The following PCDHGA2 variants were observed in gnomAD, a reference collection of about 807,000 sequenced individuals.
The protein encoded by PCDHGA2 is protocadherin gamma-A2.
Under a neutral mutation model 59.2 loss-of-function variants are expected in PCDHGA2, and 40 were observed. The ratio of observed to expected loss-of-function variants is 0.68; its 90% CI spans 0.52 to 0.88. The LOEUF (loss-of-function observed/expected upper bound fraction) is 0.88. Ranked by LOEUF, PCDHGA2 falls within the 40% of genes least tolerant of loss-of-function variation. PCDHGA2 has a pLI of 0.00. For missense variants in PCDHGA2, 1,226 were observed against 1,204.0 expected (o/e 1.02, Z -0.27); for synonymous variants, 560 against 526.0 (o/e 1.06, Z -0.89).
intron 1 of PCDHGA2, among the ~76,000 whole-genome samples, chr5:141,472,113 A>G (rs1296591849): frequency 1.3e-5 from 2 of 152,260 alleles, no homozygotes; most frequent in East Asian, 3.8e-4. Flanking sequence ...ATACATAAAG[A>G]AAATAAAAGA....
intron 1 of PCDHGA2, chr5:141,423,320 T>C: frequency 6.2e-7 from 1 of 1,614,148 alleles, no homozygotes; most frequent in Non-Finnish European, 8.5e-7. Flanking sequence ...GTGGTGGCGG[T>C]GGCCGCAGTC....
At chr5:141,372,282 C>G (rs1163647309) in intron 1 of PCDHGA2, 3 of 1,613,202 alleles carry the variant, frequency 1.9e-6, no homozygotes, top group East Asian at 2.2e-5. Flanking sequence ...GCGCACGGCG[C>G]GTACCTTGGG....
At chr5:141,373,335 A>G (rs1769489383) in intron 1 of PCDHGA2, among the ~76,000 whole-genome samples, 1 of 152,236 alleles carries the variant, frequency 6.6e-6, no homozygotes, top group Admixed American at 6.5e-5. Flanking sequence ...GGCATCTAAA[A>G]TGGCAACTCT....
At chr5:141,365,431 G>T (rs1297210412) in intron 1 of PCDHGA2, 7 of 1,613,892 alleles carry the variant, frequency 4.3e-6, no homozygotes, top group African/African-American at 1.3e-5. Flanking sequence ...CTGTAATCGC[G>T]CTGTTTAGCG....
intron 1 of PCDHGA2, chr5:141,366,287 C>T (rs746594585): frequency 5.0e-6 from 8 of 1,613,620 alleles, no homozygotes; most frequent in Admixed American, 1.7e-5. Context: ...TGGCCAGCCC[C>T]CTCTGTCAGC....
At chr5:141,400,087 G>A (rs751908680) in intron 1 of PCDHGA2, 3 of 1,614,042 alleles carry the variant, frequency 1.9e-6, no homozygotes, top group Non-Finnish European at 2.5e-6. Flanking sequence ...CTCCGCCACC[G>A]CCACGCTGCA....
rs1267965791 is a variant in PCDHGA2, at chr5:141,431,329, G to C, written c.2425-63478G>C. 1 of 1,614,002 alleles carries C rather than the reference G, an allele frequency of 6.2e-7. No individual in the cohort carries two copies. Among genetic ancestry groups the C allele is most frequent in the East Asian group, 2.2e-5 (1 of 44,904 alleles). On this transcript the variant is annotated intron_variant, in intron 1 of 3. Coordinates refer to ENST00000394576, the MANE Select transcript of PCDHGA2 (RefSeq NM_018915.4). The surrounding 1 kb of genome is among the most constrained non-coding windows in gnomAD (Gnocchi z 4.8). ...TGCAAAATGGAGCCGACGGTAGTAA[G>C]TACCCCGAATTGGTGCTGAAACGCG...
At chr5:141,465,649 A>C (rs1174371552) in intron 1 of PCDHGA2, among the ~76,000 whole-genome samples, 1 of 152,200 alleles carries the variant, frequency 6.6e-6, no homozygotes, top group African/African-American at 2.4e-5. Context: ...TGAACATCCC[A>C]AAAAAGCGCT....
At chr5:141,361,156 A>C in intron 1 of PCDHGA2, 1 of 1,613,960 alleles carries the variant, frequency 6.2e-7, no homozygotes. Flanking sequence ...TCTTGATGAC[A>C]ACGATTGTGC....
intron 1 of PCDHGA2, among the ~76,000 whole-genome samples, chr5:141,445,920 A>C (rs1343777309): frequency 6.6e-6 from 1 of 152,212 alleles, no homozygotes; most frequent in African/African-American, 2.4e-5. Context: ...GGCAGTGACA[A>C]GATATTTGAA....
chr5:141,354,916 A>T (rs916741222), intron 1 of PCDHGA2: 11 of 411,270 alleles, frequency 2.7e-5, no homozygotes, highest in Middle Eastern at 1.2e-3. Flanking sequence ...AAAAGTGTAT[A>T]AAAAATAAAC....
At chr5:141,452,106 CTCT>C (rs748460925) in intron 1 of PCDHGA2, among the ~76,000 whole-genome samples, 12 of 152,096 alleles carry the variant, frequency 7.9e-5, no homozygotes, top group South Asian at 4.1e-4. Flanking sequence ...GCTTTCTTTT[CTCT>C]TCTTATTTAT....
intron 1 of PCDHGA2, chr5:141,403,391 G>C (rs1182066905): frequency 6.2e-7 from 1 of 1,614,046 alleles, no homozygotes; most frequent in East Asian, 2.2e-5. Flanking sequence ...CGAAATCGCG[G>C]TTCCTGGAGC....
At chr5:141,410,666 T>C (rs376209053) in intron 1 of PCDHGA2, 1 of 1,566,008 alleles carries the variant, frequency 6.4e-7, no homozygotes, top group Non-Finnish European at 8.6e-7. Flanking sequence ...AGTCTACTAG[T>C]TTCTCATATT....
chr5:141,361,114 C>A, intron 1 of PCDHGA2: 1 of 1,613,990 alleles, frequency 6.2e-7, no homozygotes, highest in Non-Finnish European at 8.5e-7. Context: ...TCCTGGAGAT[C>A]TAGCAGCCCA....
At chr5:141,413,460 C>T (rs1561742736) in intron 1 of PCDHGA2, 4 of 1,613,974 alleles carry the variant, frequency 2.5e-6, no homozygotes, top group Middle Eastern at 1.6e-4. Context: ...GCAGGATAGA[C>T]CGGGAGGAGC....
Position 141,486,672 on chromosome 5 carries a change from G to A in PCDHGA2, c.2425-8135G>A. The A allele has an allele frequency of 5.0e-6, 8 of 1,614,000 alleles. No homozygotes were observed. Among genetic ancestry groups the A allele is most frequent in the Non-Finnish European group, 5.9e-6 (7 of 1,180,028 alleles). On this transcript the variant is annotated intron_variant, in intron 1 of 3. Coordinates refer to ENST00000394576, the MANE Select transcript of PCDHGA2 (RefSeq NM_018915.4). This position sits in a 1 kb window ranked among gnomAD's most constrained non-coding sequence, Gnocchi z 5.0. Reference sequence around the variant, plus strand: ...TACTCACTCCTGGAGCCCAGGAATCGAGATGTATCAGCTTCCTCTTTCATC... The same window carrying A: ...TACTCACTCCTGGAGCCCAGGAATCAAGATGTATCAGCTTCCTCTTTCATC...
chr5:141,432,133 C>T lies in PCDHGA2; in HGVS notation c.2425-62674C>T, dbSNP rs1468632362. The stretch of plus-strand genomic sequence containing the variant: ...CGGTCTTCCCTCAGGCCTCCTATTC[C>T]GCTTATATCCCAGAGAACAATCCCA... On this transcript the variant is annotated intron_variant, in intron 1 of 3. Transcript: ENST00000394576. This position sits in a 1 kb window ranked among gnomAD's most constrained non-coding sequence, Gnocchi z 6.0. 9 of 1,614,142 alleles carry T rather than the reference C, an allele frequency of 5.6e-6. No homozygotes were observed. The highest frequency in any genetic ancestry group is 1.6e-4 in the Middle Eastern group (1 of 6,062).
At chr5:141,389,445 G>A (rs749321526) in intron 1 of PCDHGA2, 7 of 1,610,526 alleles carry the variant, frequency 4.3e-6, no homozygotes, top group Non-Finnish European at 5.1e-6. Context: ...CTTCGACCAC[G>A]AGCAGCTGCG....
Sources: gnomAD v4.1 joint callset for allele counts (sites outside exome capture counted in the v4.1 genomes callset) on GRCh38, gnomAD v4.1.1 for gene constraint, Gnocchi (gnomAD v3.1) non-coding constraint, MANE v1.5 for transcripts, NCBI Gene and HGNC (gene_info 2026-07-23, HGNC 2026-07-21) for gene names.